Variants in GSTCD observed in about 807,000 individuals in gnomAD.
GSTCD encodes glutathione S-transferase C-terminal domain-containing protein.
In GSTCD, 44 loss-of-function variants were observed where a neutral mutation model predicts 68.3. The ratio of observed to expected loss-of-function variants is 0.64; its 90% CI spans 0.51 to 0.83. GSTCD has a LOEUF of 0.83. GSTCD is among the 40% of genes least tolerant of loss of function. The pLI is 0.00. For missense variants in GSTCD, 739 were observed against 735.9 expected (o/e 1.00, Z -0.05); for synonymous variants, 273 against 255.2 (o/e 1.07, Z -0.67).
intron 5 of GSTCD, among the ~76,000 whole-genome samples, chr4:105,743,881 C>G (rs1733719663): frequency 6.6e-6 from 1 of 152,024 alleles, no homozygotes; most frequent in African/African-American, 2.4e-5. Context: ...AGGATGGTCT[C>G]AATCTCCTGA....
intron 5 of GSTCD, among the ~76,000 whole-genome samples, chr4:105,806,636 C>T (rs370483309): frequency 7.2e-5 from 11 of 152,000 alleles, no homozygotes; most frequent in African/African-American, 2.7e-4. Context: ...AAGTGGGTAC[C>T]ATCCGTATAC....
intron 1 of GSTCD, among the ~76,000 whole-genome samples, chr4:105,716,301 T>C (rs1732679205): frequency 6.6e-6 from 1 of 152,142 alleles, no homozygotes; most frequent in Non-Finnish European, 1.5e-5. Context: ...AGGGAGGATC[T>C]CAGTAAGAAG....
At chr4:105,738,383 T>C (rs1733529107) in intron 5 of GSTCD, among the ~76,000 whole-genome samples, 1 of 152,188 alleles carries the variant, frequency 6.6e-6, no homozygotes, top group Non-Finnish European at 1.5e-5. Context: ...TCTTCTGTGG[T>C]TATACATGAA....
At chr4:105,738,635 G>A (rs986898568) in intron 5 of GSTCD, among the ~76,000 whole-genome samples, 3 of 150,946 alleles carry the variant, frequency 2.0e-5, no homozygotes, top group Admixed American at 1.3e-4. Flanking sequence ...TGTTTGTCTT[G>A]TTTGTTGTTC....
At chr4:105,767,673 G>A (rs1477341060) in intron 5 of GSTCD, among the ~76,000 whole-genome samples, 1 of 151,966 alleles carries the variant, frequency 6.6e-6, no homozygotes, top group African/African-American at 2.4e-5. Flanking sequence ...CTCTCATATT[G>A]AAAAAAACAA....
At chr4:105,792,747 CT>C (rs1026934521) in intron 5 of GSTCD, among the ~76,000 whole-genome samples, 2 of 151,940 alleles carry the variant, frequency 1.3e-5, no homozygotes, top group African/African-American at 4.8e-5. Context: ...TGGTAAATCT[CT>C]TGTAAAATGA....
At chr4:105,743,895 C>T (rs1325906421) in intron 5 of GSTCD, among the ~76,000 whole-genome samples, 1 of 152,034 alleles carries the variant, frequency 6.6e-6, no homozygotes, top group Non-Finnish European at 1.5e-5. Flanking sequence ...CTCCTGACCT[C>T]GTGATCGCCC....
At chr4:105,797,827 T>A (rs867329071) in intron 5 of GSTCD, among the ~76,000 whole-genome samples, 94 of 142,428 alleles carry the variant, frequency 6.6e-4, no homozygotes, top group Admixed American at 1.6e-3. Context: ...CAGGCTGGAA[T>A]GCAATGGTGC....
At chr4:105,816,233 CATG>C (rs1387285788) in intron 5 of GSTCD, among the ~76,000 whole-genome samples, 1 of 152,110 alleles carries the variant, frequency 6.6e-6, no homozygotes, top group African/African-American at 2.4e-5. Context: ...GTGAAAGGTG[CATG>C]ATATTTTTAG....
intron 5 of GSTCD, among the ~76,000 whole-genome samples, chr4:105,801,182 G>T (rs1319810478): frequency 6.6e-6 from 1 of 152,124 alleles, no homozygotes; most frequent in Admixed American, 6.6e-5. Context: ...CCTCAGCTAG[G>T]ACTGCTTCTC....
chr4:105,840,174 A>C (rs1560857084), intron 10 of GSTCD: 1 of 455,314 alleles, frequency 2.2e-6, no homozygotes, highest in East Asian at 7.0e-5. Context: ...TATCAGTACA[A>C]GAGAACTGAA....
At chr4:105,713,502 A>T (rs1732599294) in intron 1 of GSTCD, among the ~76,000 whole-genome samples, 1 of 152,228 alleles carries the variant, frequency 6.6e-6, no homozygotes, top group African/African-American at 2.4e-5. Context: ...CTGTTATATT[A>T]GAACAATACC....
At chr4:105,743,763 G>A (rs887594490) in intron 5 of GSTCD, among the ~76,000 whole-genome samples, 2 of 143,504 alleles carry the variant, frequency 1.4e-5, no homozygotes, top group Non-Finnish European at 3.0e-5. Context: ...GATTCACGCT[G>A]TTCTCCTGCC....
intron 10 of GSTCD, among the ~76,000 whole-genome samples, chr4:105,838,312 A>G (rs1030000163): frequency 3.9e-5 from 6 of 152,234 alleles, no homozygotes; most frequent in African/African-American, 7.2e-5. Flanking sequence ...GGGAGAAACT[A>G]TATATTTTCC....
chr4:105,761,718 G>A (rs78985275), intron 5 of GSTCD: 2 of 152,002 alleles, frequency 1.3e-5, no homozygotes, highest in African/African-American at 2.4e-5. Context: ...CTTCTGGGAT[G>A]TAGTAATATA....
intron 8 of GSTCD, among the ~76,000 whole-genome samples, chr4:105,827,873 A>G (rs1723713116): frequency 6.6e-6 from 1 of 152,124 alleles, no homozygotes; most frequent in South Asian, 2.1e-4. Context: ...TAAAAGACTT[A>G]GAAACAACTA....
At chr4:105,733,214 T>A (rs1331201659) in intron 5 of GSTCD, among the ~76,000 whole-genome samples, 5 of 152,100 alleles carry the variant, frequency 3.3e-5, no homozygotes, top group Non-Finnish European at 7.4e-5. Context: ...TTGCTTGGTG[T>A]GGAGCTGAGT....
At chr4:105,712,523 C>T (rs1732568159) in intron 1 of GSTCD, 1 of 152,280 alleles carries the variant, frequency 6.6e-6, no homozygotes, top group South Asian at 2.1e-4. Flanking sequence ...GCTGAAGAGC[C>T]ATTGGATGGT....
At chr4:105,739,019 CAGT>C (rs1433741150) in intron 5 of GSTCD, among the ~76,000 whole-genome samples, 2 of 152,142 alleles carry the variant, frequency 1.3e-5, no homozygotes, top group African/African-American at 4.8e-5. Flanking sequence ...CTTTTATACC[CAGT>C]TTGTTGAGAA....
Sources: allele counts gnomAD v4.1 joint callset (sites outside exome capture counted in the v4.1 genomes callset), GRCh38; gene constraint gnomAD v4.1.1; transcripts MANE v1.5; gene names NCBI Gene and HGNC (gene_info 2026-07-23, HGNC 2026-07-21).